MACF1: variants seen among roughly 807,000 people sequenced by gnomAD.
The protein encoded by MACF1 is microtubule-actin cross-linking factor 1.
A neutral mutation model predicts 854.8 loss-of-function variants in MACF1; 193 were observed. The ratio of observed to expected loss-of-function variants is 0.23; its 90% CI spans 0.20 to 0.25. The LOEUF is 0.25. MACF1 is among the 10% of genes least tolerant of loss of function. MACF1 has a pLI of 1.00. For synonymous variants in MACF1, 3,185 were observed against 3,226.7 expected (o/e 0.99, Z 0.44); for missense variants, 7,722 against 8,929.1 (o/e 0.86, Z 5.45).
At chr1:39,089,810 C>A (rs1641762209) in intron 2 of MACF1, among the ~76,000 whole-genome samples, 1 of 152,212 alleles carries the variant, frequency 6.6e-6, no homozygotes, top group Non-Finnish European at 1.5e-5. Context: ...GACCTCACTT[C>A]TTGGATCCTC....
At chr1:39,450,491 T>C (rs1464665761) in intron 84 of MACF1, among the ~76,000 whole-genome samples, 1 of 152,056 alleles carries the variant, frequency 6.6e-6, no homozygotes. Flanking sequence ...TGTGTGTCAC[T>C]GGGCTATAAG....
At chr1:39,285,030 C>A in intron 11 of MACF1, 53 bp from the exon 12 acceptor site, 1 of 1,596,868 alleles carries the variant, frequency 6.3e-7, no homozygotes. Flanking sequence ...TAAATCAAAA[C>A]TGGGACAAGA....
At chr1:39,340,266 AT>A (rs1020112949) in intron 38 of MACF1, among the ~76,000 whole-genome samples, 11 of 149,936 alleles carry the variant, frequency 7.3e-5, no homozygotes, top group East Asian at 5.8e-4. Context: ...CACCATTCAC[AT>A]TTTTTTTTTA....
chr1:39,458,642 T>A, intron 90 of MACF1, 152 bp downstream of exon 90: 1 of 941,642 alleles, frequency 1.1e-6, no homozygotes, highest in Non-Finnish European at 1.6e-6. Flanking sequence ...TCACTTTTCT[T>A]ACATTGACAG....
At position 39,101,113 on chromosome 1, in the gene MACF1, T is replaced by C. The variant is rs189792558; in HGVS notation, c.220+16675T>C. ...GGCTCACGCCTGTAATCCCAGCACT[T>C]TGGGAAGCCGAGGTGGATGGATTAC... On this transcript the variant is annotated intron_variant, in intron 2 of 93. Coordinates refer to the MACF1 transcript ENST00000361689. Among the ~76,000 whole-genome samples, 1,315 of 150,754 alleles carry C rather than the reference T, an allele frequency of 8.7e-3. 23 individuals carry two copies. The highest frequency in any genetic ancestry group is 0.03 in the African/African-American group (1,245 of 41,098).
intron 2 of MACF1, among the ~76,000 whole-genome samples, chr1:39,111,057 A>G (rs1199343396): frequency 1.3e-5 from 2 of 152,138 alleles, no homozygotes; most frequent in Non-Finnish European, 2.9e-5. Flanking sequence ...ATATTGAGCC[A>G]TGTTGTGACT....
At chr1:39,462,071 T>C in intron 93 of MACF1, 34 bp downstream of exon 93, 2 of 1,607,650 alleles carry the variant, frequency 1.2e-6, no homozygotes, top group Non-Finnish European at 1.7e-6. Context: ...AGTACACTTC[T>C]GGCTGTAGGT....
intron 2 of MACF1, among the ~76,000 whole-genome samples, chr1:39,119,670 G>A (rs966398059): frequency 6.6e-6 from 1 of 151,952 alleles, no homozygotes; most frequent in Non-Finnish European, 1.5e-5. Flanking sequence ...TCCAAAAGGG[G>A]CATTGTTGTC....
intron 2 of MACF1, among the ~76,000 whole-genome samples, chr1:39,139,330 C>A (rs114114177): frequency 2.0e-5 from 3 of 148,598 alleles, no homozygotes; most frequent in Non-Finnish European, 4.4e-5. Flanking sequence ...CTCGCTCTGT[C>A]GCTGCAACCT....
At chr1:39,414,196 GCTT>G in intron 58 of MACF1, 2 of 1,613,400 alleles carry the variant, frequency 1.2e-6, no homozygotes, top group Non-Finnish European at 1.7e-6. Context: ...CATCCCTGCT[GCTT>G]CAGTGCCCAC....
intron 2 of MACF1, among the ~76,000 whole-genome samples, chr1:39,235,700 A>G (rs1223796393): frequency 1.3e-5 from 2 of 152,184 alleles, no homozygotes; most frequent in Non-Finnish European, 2.9e-5. Flanking sequence ...TAACAATGGT[A>G]GTAATAGTAT....
intron 23 of MACF1, among the ~76,000 whole-genome samples, chr1:39,308,384 T>C (rs971171730): frequency 2.0e-5 from 3 of 152,318 alleles, no homozygotes; most frequent in Admixed American, 2.0e-4. Flanking sequence ...ATTTCAACTC[T>C]ACTGAAATTT....
intron 6 of MACF1, among the ~76,000 whole-genome samples, chr1:39,262,592 C>T (rs1645176973): frequency 6.6e-6 from 1 of 152,038 alleles, no homozygotes; most frequent in South Asian, 2.1e-4. Flanking sequence ...CAGTGGGCAG[C>T]AGTTACTAGT....
At chr1:39,427,006 G>A (rs1157456132) in intron 61 of MACF1, among the ~76,000 whole-genome samples, 1 of 151,534 alleles carries the variant, frequency 6.6e-6, no homozygotes, top group Non-Finnish European at 1.5e-5. Flanking sequence ...AGTAGTGACA[G>A]AGAGAATGAA....
chr1:39,124,446 T>C (rs1284223453), intron 2 of MACF1, among the ~76,000 whole-genome samples: 1 of 152,232 alleles, frequency 6.6e-6, no homozygotes, highest in South Asian at 2.1e-4. Flanking sequence ...CAACTGACAC[T>C]ATCTTAGATT....
intron 2 of MACF1, among the ~76,000 whole-genome samples, chr1:39,107,392 A>G (rs1446002788): frequency 1.3e-5 from 2 of 151,912 alleles, no homozygotes; most frequent in African/African-American, 4.8e-5. Flanking sequence ...TCAGGTGTAT[A>G]GGAACTTAAT....
intron 99 of MACF1, among the ~76,000 whole-genome samples, chr1:39,481,783 T>C (rs941959016): frequency 6.6e-6 from 1 of 152,198 alleles, no homozygotes; most frequent in African/African-American, 2.4e-5. Flanking sequence ...AAACATTGGA[T>C]TCTTGTGCCT....
In MACF1 at chr1:39,457,406, G is replaced by A. The variant is rs191004709; in HGVS notation, c.21076-964G>A. ...CTCACCATGTTTTGCCTCAGTTGCT[G>A]CAATGGTTTCTTAACCTGTCTTCTC... On this transcript the variant is annotated intron_variant, in intron 89 of 100. Coordinates refer to ENST00000564288, the MANE Select transcript of MACF1 (RefSeq NM_001394062.1). 66 of 152,514 alleles carry A rather than the reference G, an allele frequency of 4.3e-4. 1 individual carries two copies. Among genetic ancestry groups the A allele is most frequent in the Admixed American group, 2.0e-3 (30 of 15,284 alleles). The allele number at this position is 152,514 out of a possible 1,614,324, so 9.4% of individuals were successfully genotyped here.
intron 26 of MACF1, among the ~76,000 whole-genome samples, 153 bp from the exon 27 acceptor site, chr1:39,315,360 C>G (rs990803779): frequency 2.0e-5 from 3 of 152,168 alleles, no homozygotes; most frequent in African/African-American, 7.2e-5. Context: ...GCATAATTCT[C>G]CATCGTATGT....
Sources: allele counts gnomAD v4.1 joint callset (sites outside exome capture counted in the v4.1 genomes callset), GRCh38; gene constraint gnomAD v4.1.1; transcripts MANE v1.5; gene names NCBI Gene and HGNC (gene_info 2026-07-23, HGNC 2026-07-21).